The following CCDC14 variants were observed in gnomAD, a reference collection of about 807,000 sequenced individuals.
CCDC14 encodes coiled-coil domain-containing protein 14.
A neutral mutation model predicts 81.4 loss-of-function variants in CCDC14; 71 were observed. That is an observed-to-expected ratio of 0.87 (90% CI 0.72 to 1.06). The LOEUF (loss-of-function observed/expected upper bound fraction) is 1.06, where lower values mean the gene tolerates loss of function less well. Among genes scored for constraint, CCDC14 ranks in the 50% least tolerant of loss-of-function variants. CCDC14 has a pLI of 0.00. For synonymous variants in CCDC14, 332 were observed against 364.8 expected (o/e 0.91, Z 1.03); for missense variants, 1,046 against 1,047.3 (o/e 1.00, Z 0.02).
At chr3:123,908,313 T>C (rs528791225) in intron 5 of CCDC14, among the ~76,000 whole-genome samples, 25 of 152,260 alleles carry the variant, frequency 1.6e-4, no homozygotes, top group African/African-American at 5.5e-4. Context: ...TCTCCTCATT[T>C]GGGAGGCACT....
intron 12 of CCDC14, 154 bp downstream of exon 12, chr3:123,930,948 G>T: frequency 3.1e-6 from 2 of 654,812 alleles, no homozygotes; most frequent in Non-Finnish European, 2.4e-6. Context: ...AATTTAATTG[G>T]AACAGAAGAA....
intron 1 of CCDC14, among the ~76,000 whole-genome samples, chr3:123,959,314 T>G (rs948847054): frequency 6.6e-6 from 1 of 152,242 alleles, no homozygotes; most frequent in African/African-American, 2.4e-5. Context: ...TTTCATTTTT[T>G]TAATGTCATC....
chr3:123,943,621 G>A (rs73857577), intron 9 of CCDC14, among the ~76,000 whole-genome samples: 36 of 152,242 alleles, frequency 2.4e-4, no homozygotes, highest in African/African-American at 8.4e-4. Context: ...TGAACAGACA[G>A]AACTTCTTGG....
In CCDC14 at chr3:123,931,330, A is replaced by G. The variant is rs763210944; in HGVS notation, c.1623T>C (p.Ile541=). ...TILENKQQYD[I]EITRIKIELE... Reference sequence around the variant, plus strand: ...TACCAATTTTTATTCTTGTTATCTCAATATCATATTGCTGTTTATTTTCAA... The same window carrying G: ...TACCAATTTTTATTCTTGTTATCTCGATATCATATTGCTGTTTATTTTCAA... The change falls in exon 11 of 13, where the codon ATT becomes ATC. Residue 541 remains isoleucine (I), a synonymous_variant. Coordinates refer to ENST00000409697, the MANE Select transcript of CCDC14 (RefSeq NM_001366335.1). 6.6e-7 allele frequency: 1 copy of G among 1,520,320 alleles called. No individual in the cohort carries two copies. The highest frequency in any genetic ancestry group is 8.9e-7 in the Non-Finnish European group (1 of 1,118,006). The allele number at this position is 1,520,320 out of a possible 1,614,324, so 94.2% of individuals were successfully genotyped here.
At chr3:123,955,788 C>A in intron 5 of CCDC14, 55 bp downstream of exon 5, 1 of 1,395,774 alleles carries the variant, frequency 7.2e-7, no homozygotes, top group Non-Finnish European at 9.6e-7. Flanking sequence ...GATAATTGAT[C>A]AAAATACCCA....
At chr3:123,955,634 T>C in intron 5 of CCDC14, 1 of 383,246 alleles carries the variant, frequency 2.6e-6, no homozygotes, top group Non-Finnish European at 4.5e-6. Context: ...ACCCTGACAG[T>C]CTCTTTTTCT....
intron 5 of CCDC14, among the ~76,000 whole-genome samples, chr3:123,899,322 G>A (rs2034135136): frequency 1.3e-5 from 2 of 152,186 alleles, no homozygotes; most frequent in South Asian, 2.1e-4. Flanking sequence ...AGCTCTGCAT[G>A]CTTCCTAACT....
At chr3:123,920,309 G>A (rs895096682) in intron 12 of CCDC14, among the ~76,000 whole-genome samples, 2 of 152,082 alleles carry the variant, frequency 1.3e-5, no homozygotes, top group Admixed American at 6.5e-5. Context: ...AGAAGAGAGA[G>A]AAAAATGACC....
intron 12 of CCDC14, among the ~76,000 whole-genome samples, chr3:123,923,181 A>AT (rs1312048728): frequency 6.6e-6 from 1 of 152,120 alleles, no homozygotes; most frequent in Non-Finnish European, 1.5e-5. Flanking sequence ...ATTTAAAACT[A>AT]TATGATCATC....
chr3:123,946,913 G>C lies in CCDC14; in HGVS notation c.1091C>G (p.Thr364Arg), dbSNP rs373704080. 6 of 1,613,676 alleles carry C rather than the reference G, an allele frequency of 3.7e-6. No homozygotes were observed. The highest frequency in any genetic ancestry group is 1.1e-5 in the South Asian group (1 of 91,076). ...CTTCTGTACATCCTTCACTGTTTTT[G>C]TATCTCGCACATGTATGTTTAAATC... The part of the protein sequence containing the change: ...RKDLNIHVRD[T>R]KTVKDVQKAK... Residue 364 changes from threonine to arginine, a missense_variant, in exon 8 of 13, where the codon ACA becomes AGA. Transcript: ENST00000409697.
intron 12 of CCDC14, among the ~76,000 whole-genome samples, chr3:123,919,107 A>T (rs1577231631): frequency 6.6e-6 from 1 of 152,198 alleles, no homozygotes; most frequent in South Asian, 2.1e-4. Context: ...TGGCTTCCCC[A>T]GACCCAGAGG....
intron 9 of CCDC14, among the ~76,000 whole-genome samples, chr3:123,934,353 T>C: frequency 6.6e-6 from 1 of 152,074 alleles, no homozygotes; most frequent in Non-Finnish European, 1.5e-5. Context: ...TTGTTGTTTT[T>C]TTTCTATTTC....
At chr3:123,946,327 A>AT (rs2036622672) in intron 8 of CCDC14, among the ~76,000 whole-genome samples, 1 of 152,166 alleles carries the variant, frequency 6.6e-6, no homozygotes, top group African/African-American at 2.4e-5. Flanking sequence ...AGTCCTAAAA[A>AT]TACACTGAAA....
At chr3:123,941,434 A>G (rs1228189939) in intron 9 of CCDC14, among the ~76,000 whole-genome samples, 2 of 152,030 alleles carry the variant, frequency 1.3e-5, no homozygotes, top group Non-Finnish European at 2.9e-5. Context: ...AAACAGGAAA[A>G]AAAAAATACT....
At chr3:123,887,489 A>AAAAC in the CCDC14 span, among the ~76,000 whole-genome samples, 5 of 152,160 alleles carry the variant, frequency 3.3e-5, no homozygotes, top group East Asian at 9.7e-4. Flanking sequence ...ACAAAAAAAA[A>AAAAC]AAACACAAAA....
In CCDC14 at chr3:123,956,335, T is replaced by C; in HGVS notation, c.159+20A>G. On this transcript the variant is annotated intron_variant, in intron 3 of 12. Coordinates refer to ENST00000409697, the MANE Select transcript of CCDC14 (RefSeq NM_001366335.1). Reference sequence around the variant, plus strand: ...TGAAAACTAATTAAAATAGTGTGTATTGTATCTATTCAATCTTACCTGACT... The same window carrying C: ...TGAAAACTAATTAAAATAGTGTGTACTGTATCTATTCAATCTTACCTGACT... 1 of 1,495,298 alleles carries C rather than the reference T, an allele frequency of 6.7e-7. No individual in the cohort carries two copies. Among genetic ancestry groups the C allele is most frequent in the South Asian group, 1.3e-5 (1 of 79,524 alleles). The allele number at this position is 1,495,298 out of a possible 1,614,324, so 92.6% of individuals were successfully genotyped here.
chr3:123,939,525 CCT>C (rs935182261), intron 9 of CCDC14, among the ~76,000 whole-genome samples: 11 of 149,680 alleles, frequency 7.3e-5, no homozygotes, highest in Non-Finnish European at 1.3e-4. Context: ...GAAAATTTTC[CCT>C]TTTATTTATA....
downstream of CCDC14, among the ~76,000 whole-genome samples, chr3:123,893,868 C>T (rs986913360): frequency 4.6e-5 from 7 of 152,046 alleles, no homozygotes; most frequent in African/African-American, 9.7e-5. Flanking sequence ...AAACGTCTAT[C>T]GAATTCCTTT....
intron 1 of CCDC14, chr3:123,958,793 A>G (rs1185314209): frequency 6.6e-6 from 1 of 152,120 alleles, no homozygotes; most frequent in South Asian, 2.1e-4. Flanking sequence ...AAAAAAACCC[A>G]AAAAACAAAA....
Sources: gnomAD v4.1 joint callset for allele counts (sites outside exome capture counted in the v4.1 genomes callset) on GRCh38, gnomAD v4.1.1 for gene constraint, MANE v1.5 for transcripts, NCBI Gene and HGNC (gene_info 2026-07-23, HGNC 2026-07-21) for gene names.